LY75: variants seen among roughly 807,000 people sequenced by gnomAD.
LY75 encodes the protein C-type lectin domain family 13 member B.
In LY75, 185 loss-of-function variants were observed where a neutral mutation model predicts 231.7. That is an observed-to-expected ratio of 0.80 (90% CI 0.71 to 0.90). LY75 has a LOEUF of 0.90. Ranked by LOEUF, LY75 falls within the 40% of genes least tolerant of loss-of-function variation. The probability of loss-of-function intolerance (pLI) is 0.00; values close to 1 mark genes in which losing one functional copy is unlikely to be tolerated. For missense variants in LY75, 1,947 were observed against 2,050.2 expected (o/e 0.95, Z 0.97); for synonymous variants, 668 against 689.0 (o/e 0.97, Z 0.48).
At chr2:159,853,173 C>T (rs1684453683) in intron 20 of LY75, 100 bp downstream of exon 20, 3 of 1,248,714 alleles carry the variant, frequency 2.4e-6, no homozygotes, top group East Asian at 4.8e-5. Context: ...GATGAAATTA[C>T]CAAACATATA....
chr2:159,807,642 G>C, intron 33 of LY75: 1 of 985,408 alleles, frequency 1.0e-6, no homozygotes, highest in Non-Finnish European at 1.2e-6. Context: ...GCACCACCTT[G>C]TGGTGACAGT....
Position 159,826,594 on chromosome 2 carries a change from T to C in LY75, c.3958+5076A>G, listed in dbSNP as rs536255235. Among the ~76,000 whole-genome samples, 127 of 152,252 alleles carry C rather than the reference T, an allele frequency of 8.3e-4. No homozygotes were observed. In the Middle Eastern group the frequency reaches 0.044, roughly 53 times the overall value. ...CTACCACTGACTTTCTTCACAGAAC[T>C]GGAAAAAACTACTTTAAACTTCATA... On this transcript the variant is annotated intron_variant, in intron 28 of 34. Transcript: ENST00000263636.
intron 34 of LY75, among the ~76,000 whole-genome samples, chr2:159,806,276 A>T (rs1458926112): frequency 2.0e-5 from 3 of 152,190 alleles, no homozygotes; most frequent in East Asian, 3.8e-4. Context: ...CCAGTGTGCA[A>T]AACAGGGCAT....
rs1343710322 is a variant in LY75 at position 159,890,409 on chromosome 2, G to A, written c.638-32C>T. The A allele has an allele frequency of 2.5e-6, 4 of 1,610,100 alleles. No individual in the cohort carries two copies. In the South Asian group the frequency reaches 3.3e-5, roughly 13 times the overall value. ...ATAAAGACACGTTAGTGATCATAAA[G>A]TAAGGACATAATGTTTTCTATTACT... is the stretch of plus-strand genomic sequence containing the variant. On this transcript the variant is annotated intron_variant, in intron 3 of 34. Coordinates refer to ENST00000263636, the MANE Select transcript of LY75 (RefSeq NM_002349.4).
At position 159,854,437 on chromosome 2, in the gene LY75, A is replaced by C; in HGVS notation, c.2518T>G (p.Cys840Gly). 6.3e-7 allele frequency: 1 copy of C among 1,586,174 alleles called. No individual in the cohort carries two copies. Among genetic ancestry groups the C allele is most frequent in the Admixed American group, 1.7e-5 (1 of 59,110 alleles). Residue 840 changes from cysteine (C) to glycine (G), a missense_variant, in exon 18 of 35, where the codon TGT (cysteine) becomes GGT (glycine). Coordinates refer to ENST00000263636, the MANE Select transcript of LY75 (RefSeq NM_002349.4). The stretch of plus-strand genomic sequence containing the variant: ...GCAAGAAAGCTGTGATTGCTGGCAC[A>C]GTACAGGACGGCTTCTTCATAGTTT... Reference protein sequence around the residue: ...HLNYEEAVLYCASNHSFLATI... With the variant: ...HLNYEEAVLYGASNHSFLATI...
chr2:159,899,205 G>A lies in LY75; in HGVS notation c.95-146C>T, dbSNP rs1685998520. Reference sequence around the variant, plus strand: ...TAAGCTGCAGGGGACTACAAAAGGTGGGACAGTGGTGAGCAGAGAGGCAGT... The same window carrying A: ...TAAGCTGCAGGGGACTACAAAAGGTAGGACAGTGGTGAGCAGAGAGGCAGT... On this transcript the variant is annotated intron_variant, in intron 1 of 34. Transcript: ENST00000263636. The A allele has an allele frequency of 2.1e-6, 3 of 1,440,180 alleles. No individual in the cohort carries two copies. In the East Asian group the frequency reaches 6.9e-5, roughly 33 times the overall value. 89.2% of individuals were successfully genotyped at this position (1,440,180 alleles called of 1,614,324 possible).
chr2:159,820,432 G>C (rs544074338), intron 28 of LY75, among the ~76,000 whole-genome samples: 1 of 152,212 alleles, frequency 6.6e-6, no homozygotes, highest in African/African-American at 2.4e-5. Context: ...AAGTAACTCA[G>C]GAATGGAAAA....
chr2:159,881,206 G>A lies in LY75; in HGVS notation c.1281C>T (p.Asn427=), dbSNP rs79199281. The A allele has an allele frequency of 8.3e-4, 1,346 of 1,613,538 alleles. 12 individuals carry two copies. The African/African-American group carries it at 0.016, about 20-fold the overall frequency. ...ACTGAAATAAAGTTGGTATGTTTATGTTCTTAAGGCCTATCCACACTTCTT... is the reference window on the plus strand; with the variant it reads ...ACTGAAATAAAGTTGGTATGTTTATATTCTTAAGGCCTATCCACACTTCTT... ...IKEEVWIGLK[N]INIPTLFQWS... is the part of the protein sequence containing the mutation. Residue 427 remains asparagine (N), a synonymous_variant, in exon 8 of 35, where the codon AAC becomes AAT. Transcript: ENST00000263636.
intron 31 of LY75, among the ~76,000 whole-genome samples, chr2:159,814,761 T>C (rs1190965897): frequency 6.6e-6 from 1 of 151,142 alleles, no homozygotes; most frequent in Admixed American, 6.6e-5. Flanking sequence ...ATACGGTAAA[T>C]CACATGAGGT....
chr2:159,881,918 C>T (rs1465967704), intron 7 of LY75, among the ~76,000 whole-genome samples: 1 of 152,174 alleles, frequency 6.6e-6, no homozygotes, highest in Non-Finnish European at 1.5e-5. Context: ...GCCCTGGCTA[C>T]ATGCCAACTG....
At chr2:159,857,633 G>A (rs545381129) in intron 16 of LY75, among the ~76,000 whole-genome samples, 5 of 152,168 alleles carry the variant, frequency 3.3e-5, no homozygotes, top group South Asian at 4.1e-4. Flanking sequence ...TCCCAGCTAC[G>A]CCAGTGGCTG....
chr2:159,823,243 G>A (rs1196579841), intron 28 of LY75, among the ~76,000 whole-genome samples: 1 of 152,128 alleles, frequency 6.6e-6, no homozygotes, highest in Non-Finnish European at 1.5e-5. Context: ...CCAGTGTAGA[G>A]AAGAACATTA....
intron 13 of LY75, chr2:159,872,212 G>C: frequency 5.2e-6 from 2 of 385,550 alleles, no homozygotes; most frequent in Admixed American, 8.3e-5. Context: ...GCCATACATT[G>C]CTGTTGGACT....
Position 159,864,876 on chromosome 2 carries a change from T to A in LY75, c.2162A>T (p.Asp721Val). Residue 721 changes from aspartate to valine, a missense_variant, in exon 14 of 35, where the codon GAT becomes GTT. Coordinates refer to ENST00000263636, the MANE Select transcript of LY75 (RefSeq NM_002349.4). ...LWIGLNKRSP[D>V]LQGSWQWSDR... ...ACTCCATTGCCAGGATCCTTGTAAATCTGGGCTCCTTTTATTCAAACCAAT... is the reference window on the plus strand; with the variant it reads ...ACTCCATTGCCAGGATCCTTGTAAAACTGGGCTCCTTTTATTCAAACCAAT... 1 of 1,605,398 alleles carries A rather than the reference T, an allele frequency of 6.2e-7. No individual in the cohort carries two copies. Among genetic ancestry groups the A allele is most frequent in the East Asian group, 2.2e-5 (1 of 44,630 alleles).
intron 13 of LY75, among the ~76,000 whole-genome samples, chr2:159,867,649 A>G (rs1684896128): frequency 6.6e-6 from 1 of 152,250 alleles, no homozygotes; most frequent in Non-Finnish European, 1.5e-5. Context: ...TATCTCAGCC[A>G]TAAGCCCCAA....
chr2:159,888,549 C>G (rs1387627281), intron 4 of LY75, among the ~76,000 whole-genome samples: 1 of 152,156 alleles, frequency 6.6e-6, no homozygotes, highest in African/African-American at 2.4e-5. Flanking sequence ...ATGGATTTAT[C>G]TGGAGAAAGT....
At position 159,805,221 on chromosome 2, in the gene LY75, G is replaced by T; in HGVS notation, c.4992C>A (p.Gly1664=). The T allele has an allele frequency of 3.1e-6, 5 of 1,612,642 alleles. No individual in the cohort carries two copies. The highest frequency in any genetic ancestry group is 4.2e-6 in the Non-Finnish European group (5 of 1,179,024). ...FGRVVCKVPL[G]PDYTAIAIIV... ...TGATAGCTATTGCTGTGTAATCAGG[G>T]CCTGGAACAGGAAAAGGTTTGATGT... The change falls in exon 35 of 35, where the codon GGC becomes GGA. Residue 1664 remains glycine (G), a splice_region_variant and synonymous_variant. Transcript: ENST00000263636.
rs1039685595 is a variant in LY75 at position 159,904,731 on chromosome 2, C to G, written c.-49G>C. On this transcript the variant is annotated 5_prime_UTR_variant, in exon 1 of 35. Transcript: ENST00000263636. Reference sequence around the variant, plus strand: ...GCCGGGTCCTCGGGCGCACGCGGCTCCCGCCCCGCCTGCTGAGCGCGGCCT... The same window carrying G: ...GCCGGGTCCTCGGGCGCACGCGGCTGCCGCCCCGCCTGCTGAGCGCGGCCT... 1.5e-6 allele frequency: 2 copies of G among 1,368,552 alleles called. No individual in the cohort carries two copies. Among genetic ancestry groups the G allele is most frequent in the East Asian group, 6.2e-5 (2 of 32,170 alleles). The allele number at this position is 1,368,552 out of a possible 1,614,324, so 84.8% of individuals were successfully genotyped here.
intron 14 of LY75, among the ~76,000 whole-genome samples, chr2:159,864,567 T>C (rs1684803081): frequency 6.6e-6 from 1 of 152,164 alleles, no homozygotes; most frequent in Non-Finnish European, 1.5e-5. Context: ...TGGATGTATT[T>C]TTGGCCTCTC....
Sources: allele counts gnomAD v4.1 joint callset (sites outside exome capture counted in the v4.1 genomes callset), GRCh38; gene constraint gnomAD v4.1.1; transcripts MANE v1.5; gene names NCBI Gene and HGNC (gene_info 2026-07-23, HGNC 2026-07-21).